Variants in RIPOR2 observed in about 807,000 individuals in gnomAD.
RIPOR2 encodes the protein RHO family interacting cell polarization regulator 2.
Under a neutral mutation model 114.5 loss-of-function variants are expected in RIPOR2, and 39 were observed. The ratio of observed to expected loss-of-function variants is 0.34; its 90% CI spans 0.26 to 0.44. The LOEUF (loss-of-function observed/expected upper bound fraction) is 0.44. Ranked by LOEUF, RIPOR2 falls within the 20% of genes least tolerant of loss-of-function variation. The pLI, the probability that RIPOR2 is intolerant of heterozygous loss-of-function variation, is 1.00. For synonymous variants in RIPOR2, 445 were observed against 484.4 expected (o/e 0.92, Z 1.07); for missense variants, 1,007 against 1,255.1 (o/e 0.80, Z 2.99).
Position 25,032,111 on chromosome 6 carries a change from G to T in RIPOR2, c.76+9740C>A, listed in dbSNP as rs1204018287. Among the ~76,000 whole-genome samples the T allele has an allele frequency of 2.0e-5, 3 of 151,340 alleles. No homozygotes were observed. In the East Asian group the frequency reaches 5.9e-4, roughly 30 times the overall value. ...CAGAGGGGAAGAGCTGAGCTCTTGGGGTTCTTTGCCGACTCACTTACATGA... is the reference window on the plus strand; with the variant it reads ...CAGAGGGGAAGAGCTGAGCTCTTGGTGTTCTTTGCCGACTCACTTACATGA... On this transcript the variant is annotated intron_variant, in intron 1 of 13. Coordinates refer to the RIPOR2 transcript ENST00000510784.
intron 13 of RIPOR2, 31 bp downstream of exon 13, chr6:24,842,831 C>G: frequency 7.4e-7 from 1 of 1,353,516 alleles, no homozygotes; most frequent in Non-Finnish European, 9.8e-7. Context: ...TCTCTCCAAA[C>G]CTAATCCAAT....
intron 1 of RIPOR2, among the ~76,000 whole-genome samples, chr6:24,928,858 C>T (rs991752574): frequency 6.6e-6 from 1 of 152,144 alleles, no homozygotes; most frequent in African/African-American, 2.4e-5. Context: ...AAAGCTAGAT[C>T]CGAGTGTGTT....
chr6:24,999,505 G>A (rs1775199397), intron 1 of RIPOR2, among the ~76,000 whole-genome samples: 1 of 150,924 alleles, frequency 6.6e-6, no homozygotes, highest in Admixed American at 6.6e-5. Context: ...TCTTGAGTGT[G>A]TAATTTTCCC....
rs1554130559 is a variant in RIPOR2 at position 25,005,738 on chromosome 6, T to TACATACAC, written c.76+36112_76+36113insGTGTATGT. On this transcript the variant is annotated intron_variant, in intron 1 of 13. Coordinates refer to the RIPOR2 transcript ENST00000510784. ...ATATATATATATATATATATATATA[T>TACATACAC]ATACATTTACCGATCAAAAGATATG... 2.8e-5 allele frequency among the ~76,000 whole-genome samples: 2 copies of TACATACAC among 70,700 alleles called. 1 individual carries two copies. Among genetic ancestry groups the TACATACAC allele is most frequent in the Non-Finnish European group, 6.7e-5 (2 of 30,032 alleles). The allele number at this position is 70,700 out of a possible 152,430, so 46.4% of individuals were successfully genotyped here. A position where few individuals can be genotyped will look rare whatever the true frequency, so the allele number is the denominator to read the frequency against.
intron 1 of RIPOR2, among the ~76,000 whole-genome samples, chr6:24,967,156 A>G (rs1356419073): frequency 6.6e-6 from 1 of 152,218 alleles, no homozygotes; most frequent in Non-Finnish European, 1.5e-5. Flanking sequence ...AAGAAAGCTA[A>G]CAGAGCCTAA....
intron 8 of RIPOR2, among the ~76,000 whole-genome samples, chr6:24,857,621 TAC>T: frequency 6.6e-6 from 1 of 152,158 alleles, no homozygotes. Flanking sequence ...CAAGTAGCTA[TAC>T]AGTCAGGAGC....
intron 1 of RIPOR2, chr6:25,024,262 A>G: frequency 6.5e-7 from 1 of 1,543,244 alleles, no homozygotes; most frequent in Non-Finnish European, 8.9e-7. Flanking sequence ...ATGGCCGGCC[A>G]GATGAACTCT....
At chr6:24,876,289 T>A (rs1244629175) in intron 1 of RIPOR2, among the ~76,000 whole-genome samples, 1 of 149,796 alleles carries the variant, frequency 6.7e-6, no homozygotes, top group Non-Finnish European at 1.5e-5. Context: ...AAACTCTGTC[T>A]AAAAAAAAAG....
At chr6:24,951,277 T>G (rs1429305679) in intron 1 of RIPOR2, among the ~76,000 whole-genome samples, 1 of 152,170 alleles carries the variant, frequency 6.6e-6, no homozygotes, top group Non-Finnish European at 1.5e-5. Context: ...ATGGTTTTTA[T>G]GCTCAGGAGA....
intron 1 of RIPOR2, among the ~76,000 whole-genome samples, chr6:24,918,067 G>A (rs1252303319): frequency 6.6e-6 from 1 of 152,296 alleles, no homozygotes; most frequent in South Asian, 2.1e-4. Context: ...TAGGGACCAC[G>A]TCAGTGGCCG....
chr6:24,938,707 C>G (rs1211445414), upstream of RIPOR2, among the ~76,000 whole-genome samples: 1 of 152,128 alleles, frequency 6.6e-6, no homozygotes, highest in Non-Finnish European at 1.5e-5. Context: ...CCTCAGTCTC[C>G]TCTTCTCCAA....
intron 1 of RIPOR2, among the ~76,000 whole-genome samples, chr6:24,958,523 T>C (rs1773148604): frequency 6.6e-6 from 1 of 152,192 alleles, no homozygotes; most frequent in Non-Finnish European, 1.5e-5. Context: ...AGGGGGAGAA[T>C]AAACACTTAG....
At position 24,935,805 on chromosome 6, in the gene RIPOR2, C is replaced by A. The variant is rs765208216; in HGVS notation, c.61+33G>T. The A allele has an allele frequency of 1.7e-5, 26 of 1,492,500 alleles. No individual in the cohort carries two copies. In the South Asian group the frequency reaches 2.5e-4, roughly 15 times the overall value. The allele number at this position is 1,492,500 out of a possible 1,614,324, so 92.5% of individuals were successfully genotyped here. On this transcript the variant is annotated intron_variant, in intron 1 of 21. Coordinates refer to ENST00000643898, the MANE Select transcript of RIPOR2 (RefSeq NM_001286445.3). ...TGGTGTCAAAACAAAGCAAAGCAGACCGGAGAGCCTCCTGCCAGAAAGATG... is the reference window on the plus strand; with the variant it reads ...TGGTGTCAAAACAAAGCAAAGCAGAACGGAGAGCCTCCTGCCAGAAAGATG...
At chr6:24,819,057 A>G (rs770391091) in intron 19 of RIPOR2, among the ~76,000 whole-genome samples, 10 of 151,800 alleles carry the variant, frequency 6.6e-5, no homozygotes, top group Non-Finnish European at 1.2e-4. Flanking sequence ...CCCTTGTCTC[A>G]TGTGTCATTC....
chr6:24,973,519 C>T (rs1773889214), intron 1 of RIPOR2, among the ~76,000 whole-genome samples: 1 of 151,690 alleles, frequency 6.6e-6, no homozygotes, highest in African/African-American at 2.4e-5. Context: ...ATAGCTTGAA[C>T]CTGGAAGGCA....
At chr6:24,943,810 A>G (rs1772267447) in intron 1 of RIPOR2, among the ~76,000 whole-genome samples, 3 of 152,068 alleles carry the variant, frequency 2.0e-5, no homozygotes, top group African/African-American at 4.8e-5. Flanking sequence ...CATTCCCCCC[A>G]AAGTCCCATT....
At chr6:24,895,250 T>C (rs1262518631) in intron 1 of RIPOR2, among the ~76,000 whole-genome samples, 19 of 152,060 alleles carry the variant, frequency 1.2e-4, no homozygotes, top group African/African-American at 3.9e-4. Flanking sequence ...GGGGTTTCAC[T>C]ATGTTGGTCA....
intron 16 of RIPOR2, among the ~76,000 whole-genome samples, chr6:24,830,971 CT>C (rs1256740776): frequency 6.6e-6 from 1 of 152,136 alleles, no homozygotes; most frequent in Non-Finnish European, 1.5e-5. Context: ...CCACTTCGGC[CT>C]CCCAAAGTGC....
intron 1 of RIPOR2, among the ~76,000 whole-genome samples, chr6:24,953,780 T>C (rs140266486): frequency 6.6e-6 from 1 of 152,362 alleles, no homozygotes; most frequent in Non-Finnish European, 1.5e-5. Context: ...GAACATTAGA[T>C]GATCCCTTTG....
Sources: gnomAD v4.1 joint callset for allele counts (sites outside exome capture counted in the v4.1 genomes callset) on GRCh38, gnomAD v4.1.1 for gene constraint, MANE v1.5 for transcripts, NCBI Gene and HGNC (gene_info 2026-07-23, HGNC 2026-07-21) for gene names.